The following ZFHX2 variants were observed in gnomAD, a reference collection of about 807,000 sequenced individuals.
ZFHX2 encodes the protein zinc finger homeobox protein 2.
In ZFHX2, 75 loss-of-function variants were observed where a neutral mutation model predicts 164.8. That is an observed-to-expected ratio of 0.46 (90% CI 0.38 to 0.55). ZFHX2 has a LOEUF of 0.55. Ranked by LOEUF, ZFHX2 falls within the 20% of genes least tolerant of loss-of-function variation. The pLI, the probability that ZFHX2 is intolerant of heterozygous loss-of-function variation, is 0.00. For missense variants in ZFHX2, 2,933 were observed against 3,308.0 expected (o/e 0.89, Z 2.78); for synonymous variants, 1,217 against 1,351.4 (o/e 0.90, Z 2.18).
rs1289717041 is a variant in ZFHX2, at chr14:23,526,526, T to C, written c.3416A>G (p.Asp1139Gly). 2.0e-6 allele frequency: 3 copies of C among 1,535,626 alleles called. No homozygotes were observed. The highest frequency in any genetic ancestry group is 2.6e-6 in the Non-Finnish European group (3 of 1,146,810). ...PVPEPDAQAE[D>G]VAPPPTMAEE... ...AGCCATGGTGGGCGGAGGAGCTACGTCTTCAGCTTGGGCATCAGGTTCAGG... is the reference window on the plus strand; with the variant it reads ...AGCCATGGTGGGCGGAGGAGCTACGCCTTCAGCTTGGGCATCAGGTTCAGG... The change falls in exon 9 of 10, where the codon GAC (aspartate) becomes GGC (glycine). Residue 1139 changes from aspartate (D) to glycine (G), a missense_variant. Transcript: ENST00000419474.
rs946747814 is a variant in ZFHX2, at chr14:23,523,768, C to T, written c.6174G>A (p.Gly2058=). 5.1e-5 allele frequency: 78 copies of T among 1,536,084 alleles called. No homozygotes were observed. The highest frequency in any genetic ancestry group is 5.9e-5 in the Non-Finnish European group (68 of 1,146,922). The change falls in exon 9 of 10, where the codon GGG becomes GGA. Residue 2058 remains glycine, a synonymous_variant. Transcript: ENST00000419474. The surrounding 1 kb of genome is among the most constrained non-coding windows in gnomAD (Gnocchi z 4.1). ...GCCGCTGCCCCATTCCATCTGGAAC[C>T]CCAGTCCCACCTCCAGGTCCCCCAC... The part of the protein sequence containing the change: ...GTSGGPGGGT[G]VPDGMGQRRY...
Position 23,535,402 on chromosome 14 carries a change from C to T in ZFHX2, c.-49-28G>A, listed in dbSNP as rs1241773435. ...GTAGGGAGACAAGGAGAGAGCAGTG[C>T]TGTGAGGCTGCAGGGACCCCAGCTG... On this transcript the variant is annotated intron_variant, in intron 1 of 9. Coordinates refer to ENST00000419474, the MANE Select transcript of ZFHX2 (RefSeq NM_033400.3). This position sits in a 1 kb window ranked among gnomAD's most constrained non-coding sequence, Gnocchi z 4.5. 7.1e-7 allele frequency: 1 copy of T among 1,411,876 alleles called. No individual in the cohort carries two copies. Among genetic ancestry groups the T allele is most frequent in the African/African-American group, 1.4e-5 (1 of 69,386 alleles). The allele number at this position is 1,411,876 out of a possible 1,614,324, so 87.5% of individuals were successfully genotyped here.
Position 23,532,978 on chromosome 14 carries a change from C to T in ZFHX2, c.2148G>A (p.Leu716=). The T allele has an allele frequency of 1.3e-6, 2 of 1,536,170 alleles. No individual in the cohort carries two copies. The highest frequency in any genetic ancestry group is 8.7e-7 in the Non-Finnish European group (1 of 1,146,894). The change falls in exon 3 of 10, where the codon CTG becomes CTA. Residue 716 remains leucine (L), a synonymous_variant. Transcript: ENST00000419474. ...GGCACACTAGGCAGCGGAACACCTT[C>T]AGGGACAGGCTGTCGTCTGGGGGTG... The part of the protein sequence containing the change: ...TSPPPDDSLS[L]KVFRCLVCQA...
At position 23,526,313 on chromosome 14, in the gene ZFHX2, T is replaced by C. The variant is rs2063858239; in HGVS notation, c.3629A>G (p.Tyr1210Cys). The C allele has an allele frequency of 6.5e-7, 1 of 1,536,298 alleles. No homozygotes were observed. The highest frequency in any genetic ancestry group is 1.4e-5 in the African/African-American group (1 of 73,146). ...CTTGTGAAGGTGGGAGACAGAATTA[T>C]AATGAACCAACAGAATATTCTTCTG... ...FTQKNILLVH[Y>C]NSVSHLHKMK... The change falls in exon 9 of 10, where the codon TAT (tyrosine) becomes TGT (cysteine). Residue 1210 changes from tyrosine (Y) to cysteine (C), a missense_variant. By Grantham distance (194) the Tyr-to-Cys change is radical (BLOSUM62 -2). Transcript: ENST00000419474.
Position 23,526,396 on chromosome 14 carries a change from G to A in ZFHX2, c.3546C>T (p.Asp1182=), listed in dbSNP as rs1878714026. 3.3e-6 allele frequency: 5 copies of A among 1,536,348 alleles called. No homozygotes were observed. Among genetic ancestry groups the A allele is most frequent in the South Asian group, 1.2e-5 (1 of 84,056 alleles). Residue 1182 remains aspartate, a synonymous_variant, in exon 9 of 10, where the codon GAC becomes GAT. Coordinates refer to ENST00000419474, the MANE Select transcript of ZFHX2 (RefSeq NM_033400.3). ...TYRKTTNFAL[D]KFLDPARPYK... is the part of the protein sequence containing the mutation. ...AGGGCCGGGCAGGGTCGAGAAACTT[G>A]TCCAGGGCAAAGTTGGTGGTTTTCC...
In ZFHX2 at chr14:23,534,153, T is replaced by A; in HGVS notation, c.1173A>T (p.Gln391His). 6.8e-7 allele frequency: 1 copy of A among 1,472,488 alleles called. No individual in the cohort carries two copies. Among genetic ancestry groups the A allele is most frequent in the Non-Finnish European group, 9.0e-7 (1 of 1,115,590 alleles). 91.2% of individuals were successfully genotyped at this position (1,472,488 alleles called of 1,614,324 possible). A position where few individuals can be genotyped will look rare whatever the true frequency, so the allele number is the denominator to read the frequency against. ...CCCCCTCCTTGGAGGTGGGTGAGCT[T>A]TGGTTGAGTGGGGGGCAGAGCCCTC... ...EDGGLCPPLN[Q>H]SSPTSKEGGT... Residue 391 changes from glutamine (Q) to histidine (H), a missense_variant, in exon 2 of 10, where the codon CAA becomes CAT. Gln to His is a conservative substitution (Grantham distance 24). Coordinates refer to ENST00000419474, the MANE Select transcript of ZFHX2 (RefSeq NM_033400.3). The surrounding 1 kb of genome is among the most constrained non-coding windows in gnomAD (Gnocchi z 4.5).
rs1429273611 is a variant in ZFHX2 at position 23,523,862 on chromosome 14, G to C, written c.6080C>G (p.Ala2027Gly). 1 of 1,536,098 alleles carries C rather than the reference G, an allele frequency of 6.5e-7. No homozygotes were observed. Among genetic ancestry groups the C allele is most frequent in the East Asian group, 2.4e-5 (1 of 40,928 alleles). Residue 2027 changes from alanine (A) to glycine (G), a missense_variant, in exon 9 of 10, where the codon GCA (alanine) becomes GGA (glycine). Ala to Gly is a moderately conservative substitution (Grantham distance 60). Transcript: ENST00000419474. The surrounding 1 kb of genome is among the most constrained non-coding windows in gnomAD (Gnocchi z 4.1). ...SPESEACSLS[A>G]GDLSDSSASS... is the part of the protein sequence containing the mutation. ...AGCAGATGAATCACTCAGATCTCCT[G>C]CAGAGAGACTGCAAGCCTCACTCTC...
rs1878374199 is a variant in ZFHX2, at chr14:23,523,951, A to G, written c.5991T>C (p.Pro1997=). 1 of 1,535,134 alleles carries G rather than the reference A, an allele frequency of 6.5e-7. No individual in the cohort carries two copies. The highest frequency in any genetic ancestry group is 2.4e-5 in the East Asian group (1 of 40,882). Reference sequence around the variant, plus strand: ...CACTGGGTGGAGGGGGAGGTAGGAGAGGTAGAGGTGGCTCTGGTGTTGGGG... The same window carrying G: ...CACTGGGTGGAGGGGGAGGTAGGAGGGGTAGAGGTGGCTCTGGTGTTGGGG... ...ATTPTPEPPL[P]LLPPPPPSEE... Residue 1997 remains proline, a synonymous_variant, in exon 9 of 10, where the codon CCT becomes CCC. Coordinates refer to ENST00000419474, the MANE Select transcript of ZFHX2 (RefSeq NM_033400.3). This position sits in a 1 kb window ranked among gnomAD's most constrained non-coding sequence, Gnocchi z 4.1.
In ZFHX2 at chr14:23,525,253, A is replaced by C. The variant is rs756868637; in HGVS notation, c.4689T>G (p.Arg1563=). Residue 1563 remains arginine (R), a synonymous_variant, in exon 9 of 10, where the codon CGT becomes CGG. Coordinates refer to ENST00000419474, the MANE Select transcript of ZFHX2 (RefSeq NM_033400.3). The surrounding 1 kb of genome is among the most constrained non-coding windows in gnomAD (Gnocchi z 5.9). ...CTGCTCGACTTCGCTCTTCAGGGGC[A>C]CGGGTCCCCCCTGCCTCAGGCTCTG... ...LVPEPEAGGT[R]APEERSRAGG... is the part of the protein sequence containing the mutation. 6.5e-7 allele frequency: 1 copy of C among 1,536,050 alleles called. No homozygotes were observed. The highest frequency in any genetic ancestry group is 8.7e-7 in the Non-Finnish European group (1 of 1,146,888).
At chr14:23,527,409 C>T (rs1217109825) in intron 7 of ZFHX2, among the ~76,000 whole-genome samples, 195 bp downstream of exon 7, 1 of 152,190 alleles carries the variant, frequency 6.6e-6, no homozygotes, top group Non-Finnish European at 1.5e-5. Flanking sequence ...CCTGAATACT[C>T]CTGCCTCTTC....
rs1879702844 is a variant in ZFHX2 at position 23,532,564 on chromosome 14, C to A, written c.2559+3G>T. On this transcript the variant is annotated splice_donor_region_variant and intron_variant, in intron 3 of 9. Coordinates refer to ENST00000419474, the MANE Select transcript of ZFHX2 (RefSeq NM_033400.3). ...CCGATGGCCCTTCCTGACCCAGCCTCACCTTATAGATTTGGCTGTTTTCTT... is the reference window on the plus strand; with the variant it reads ...CCGATGGCCCTTCCTGACCCAGCCTAACCTTATAGATTTGGCTGTTTTCTT... 7.0e-7 allele frequency: 1 copy of A among 1,437,160 alleles called. No homozygotes were observed. Among genetic ancestry groups the A allele is most frequent in the Non-Finnish European group, 9.1e-7 (1 of 1,098,868 alleles). The allele number at this position is 1,437,160 out of a possible 1,614,324, so 89.0% of individuals were successfully genotyped here. A position where few individuals can be genotyped will look rare whatever the true frequency, so the allele number is the denominator to read the frequency against.
Position 23,524,368 on chromosome 14 carries a change from C to T in ZFHX2, c.5574G>A (p.Lys1858=). 1.3e-6 allele frequency: 2 copies of T among 1,536,238 alleles called. No homozygotes were observed. Among genetic ancestry groups the T allele is most frequent in the South Asian group, 1.2e-5 (1 of 84,066 alleles). The change falls in exon 9 of 10, where the codon AAG becomes AAA. Residue 1858 remains lysine, a synonymous_variant. Coordinates refer to ENST00000419474, the MANE Select transcript of ZFHX2 (RefSeq NM_033400.3). This position sits in a 1 kb window ranked among gnomAD's most constrained non-coding sequence, Gnocchi z 5.6. ...CAGGCAAGATGGTGGTGCGCAGGCG[C>T]TTGTCCCTGGGGGGCTCGCCCTCCC... ...GGGEGEPPRD[K]RLRTTILPEQ... is the part of the protein sequence containing the mutation.
intron 1 of ZFHX2, chr14:23,542,076 A>AAGGGAAGGAGAGAGGGAG (rs570831542): frequency 7.9e-4 from 120 of 152,660 alleles, no homozygotes; most frequent in African/African-American, 2.5e-3. Context: ...AGGGAGGAAG[A>AAGGGAAGGAGAGAGGGAG]AGGGAAGGAG....
intron 6 of ZFHX2, 97 bp from the exon 7 acceptor site, chr14:23,527,901 CTTT>C (rs745574496): frequency 0.039 from 16,794 of 432,736 alleles, no homozygotes; most frequent in East Asian, 0.055. Context: ...GCCCCCACTC[CTTT>C]TTTTTTTTTT....
In ZFHX2 at chr14:23,535,740, G is replaced by A. The variant is rs1422330226; in HGVS notation, c.-49-366C>T. ...CCTGAGTAGCTGGGATTACAGGCTT[G>A]TGCCACCACACCTGACTAATTTTGT... On this transcript the variant is annotated intron_variant, in intron 1 of 9. Transcript: ENST00000419474. The surrounding 1 kb of genome is among the most constrained non-coding windows in gnomAD (Gnocchi z 4.5). 6.6e-6 allele frequency among the ~76,000 whole-genome samples: 1 copy of A among 151,900 alleles called. No individual in the cohort carries two copies. Among genetic ancestry groups the A allele is most frequent in the Non-Finnish European group, 1.5e-5 (1 of 67,944 alleles).
chr14:23,521,872 G>A lies in ZFHX2; in HGVS notation c.*90C>T. ...GTGAGGTGGGCGGGGCCAGGGGGTG[G>A]GGTGAGGGATTTGAGCTCCCACCGA... On this transcript the variant is annotated 3_prime_UTR_variant, in exon 10 of 10. Coordinates refer to ENST00000419474, the MANE Select transcript of ZFHX2 (RefSeq NM_033400.3). The A allele has an allele frequency of 4.0e-6, 6 of 1,503,198 alleles. No homozygotes were observed. Among genetic ancestry groups the A allele is most frequent in the Middle Eastern group, 2.3e-4 (1 of 4,324 alleles). The allele number at this position is 1,503,198 out of a possible 1,614,324, so 93.1% of individuals were successfully genotyped here.
rs1400425341 is a variant in ZFHX2, at chr14:23,534,109, A to G, written c.1217T>C (p.Val406Ala). 1 of 1,491,380 alleles carries G rather than the reference A, an allele frequency of 6.7e-7. No homozygotes were observed. Among genetic ancestry groups the G allele is most frequent in the Non-Finnish European group, 8.9e-7 (1 of 1,123,346 alleles). The allele number at this position is 1,491,380 out of a possible 1,614,324, so 92.4% of individuals were successfully genotyped here. A position where few individuals can be genotyped will look rare whatever the true frequency, so the allele number is the denominator to read the frequency against. The stretch of plus-strand genomic sequence containing the variant: ...GTCACTGGGGTCTTCGGGGGAGCCC[A>G]CTGGGGCAGGGAGAGTGCCCCCCTC... ...SKEGGTLPAP[V>A]GSPEDPSDPP... The change falls in exon 2 of 10, where the codon GTG becomes GCG. Residue 406 changes from valine (V) to alanine (A), a missense_variant. By Grantham distance (64) the Val-to-Ala change is moderately conservative. Transcript: ENST00000419474. The surrounding 1 kb of genome is among the most constrained non-coding windows in gnomAD (Gnocchi z 4.5).
In ZFHX2 at chr14:23,531,704, C is replaced by T. The variant is rs1879575428; in HGVS notation, c.2577G>A (p.Glu859=). The change falls in exon 4 of 10, where the codon GAG becomes GAA. Residue 859 remains glutamate (E), a synonymous_variant. Coordinates refer to ENST00000419474, the MANE Select transcript of ZFHX2 (RefSeq NM_033400.3). ...CCAGCTCTGCCCCTGCCTCCGCTCC[C>T]TCCATGTCCAGCAGAAACTAGAACC... is the stretch of plus-strand genomic sequence containing the variant. ...SQIYKFLLDM[E]GAEAGAELGL... 6 of 1,367,568 alleles carry T rather than the reference C, an allele frequency of 4.4e-6. No individual in the cohort carries two copies. The African/African-American group carries it at 5.9e-5, about 13-fold the overall frequency. 84.7% of individuals were successfully genotyped at this position (1,367,568 alleles called of 1,614,324 possible).
Position 23,522,299 on chromosome 14 carries a change from T to C in ZFHX2, c.7382A>G (p.Asp2461Gly). 2 of 1,512,028 alleles carry C rather than the reference T, an allele frequency of 1.3e-6. No homozygotes were observed. Among genetic ancestry groups the C allele is most frequent in the South Asian group, 2.5e-5 (2 of 81,034 alleles). 93.7% of individuals were successfully genotyped at this position (1,512,028 alleles called of 1,614,324 possible). A position where few individuals can be genotyped will look rare whatever the true frequency, so the allele number is the denominator to read the frequency against. The change falls in exon 10 of 10, where the codon GAC becomes GGC. Residue 2461 changes from aspartate to glycine, a missense_variant. Physicochemically the swap from Asp to Gly is moderately conservative, Grantham distance 94 (BLOSUM62 -1). Coordinates refer to ENST00000419474, the MANE Select transcript of ZFHX2 (RefSeq NM_033400.3). ...YLCRQCKMAF[D>G]GEAPATAHQR... is the part of the protein sequence containing the mutation. ...GTGGGCAGTAGCCGGGGCCTCCCCG[T>C]CAAATGCCATCTTGCACTGGCGGCA... is the stretch of plus-strand genomic sequence containing the variant.
Sources: gnomAD v4.1 joint callset for allele counts (sites outside exome capture counted in the v4.1 genomes callset) on GRCh38, gnomAD v4.1.1 for gene constraint, Gnocchi (gnomAD v3.1) non-coding constraint, MANE v1.5 for transcripts, NCBI Gene and HGNC (gene_info 2026-07-23, HGNC 2026-07-21) for gene names.